Variants in ECT2L observed in about 807,000 individuals in gnomAD.
ECT2L encodes epithelial cell-transforming sequence 2 oncogene-like.
ECT2L carries 126 observed loss-of-function variants against 122.8 expected under a neutral mutation model. The ratio of observed to expected loss-of-function variants is 1.03; its 90% CI spans 0.89 to 1.19. The LOEUF is 1.19. Among genes scored for constraint, ECT2L ranks in the 50% most tolerant of loss-of-function variants. The probability of loss-of-function intolerance (pLI) is 0.00; values close to 1 mark genes in which losing one functional copy is unlikely to be tolerated. For synonymous variants in ECT2L, 385 were observed against 381.8 expected, an observed-to-expected ratio of 1.01 and a Z score of -0.10; for missense variants, 1,012 against 1,064.1, an observed-to-expected ratio of 0.95 and a Z score of 0.68.
chr6:138,900,819 C>A, intron 20 of ECT2L, 129 bp from the exon 21 acceptor site: 1 of 998,104 alleles, frequency 1.0e-6, no homozygotes, highest in Non-Finnish European at 1.4e-6. Flanking sequence ...AGAACTTCAA[C>A]CAGCCATTCA....
chr6:138,849,638 G>A (rs1351965169), intron 9 of ECT2L, among the ~76,000 whole-genome samples: 2 of 149,892 alleles, frequency 1.3e-5, no homozygotes, highest in African/African-American at 2.5e-5. Context: ...GTGTGATCAC[G>A]GCTCACTGCA....
intron 14 of ECT2L, chr6:138,879,557 C>T (rs557634011): frequency 6.6e-6 from 1 of 152,014 alleles, no homozygotes; most frequent in South Asian, 2.1e-4. Flanking sequence ...TATCTAGTAC[C>T]AGCAATAAAA....
At position 138,846,539 on chromosome 6, in the gene ECT2L, A is replaced by G. The variant is rs1282702113; in HGVS notation, c.765A>G (p.Arg255=). The G allele has an allele frequency of 6.3e-7, 1 of 1,581,330 alleles. No homozygotes were observed. Among genetic ancestry groups the G allele is most frequent in the Admixed American group, 1.9e-5 (1 of 51,766 alleles). ...TCTCATATTTCCTTTTACTCCATAGAAGCAATATTTCTGGAAGCCATTCCT... is the reference window on the plus strand; with the variant it reads ...TCTCATATTTCCTTTTACTCCATAGGAGCAATATTTCTGGAAGCCATTCCT... The part of the protein sequence containing the change: ...VLTSLETLPK[R]SNISGSHSYP... Residue 255 remains arginine (R), a splice_region_variant and synonymous_variant, in exon 8 of 22, where the codon CGA becomes CGG. Transcript: ENST00000541398.
intron 14 of ECT2L, among the ~76,000 whole-genome samples, chr6:138,879,728 G>A (rs1470940675): frequency 6.6e-6 from 1 of 152,162 alleles, no homozygotes; most frequent in Non-Finnish European, 1.5e-5. Flanking sequence ...GCTGAGGTGG[G>A]TGGATCACAA....
At chr6:138,822,913 T>C in intron 4 of ECT2L, 2 of 1,613,886 alleles carry the variant, frequency 1.2e-6, no homozygotes, top group Non-Finnish European at 1.7e-6. Flanking sequence ...GTCATTGGAC[T>C]TGCAGGCAAT....
chr6:138,811,630 G>A (rs1775899597), intron 1 of ECT2L, among the ~76,000 whole-genome samples: 1 of 152,072 alleles, frequency 6.6e-6, no homozygotes, highest in Non-Finnish European at 1.5e-5. Context: ...AAGAACCCTG[G>A]AGCCCAAAAG....
chr6:138,867,868 G>T (rs1011471018), intron 12 of ECT2L, among the ~76,000 whole-genome samples: 2 of 151,422 alleles, frequency 1.3e-5, no homozygotes, highest in African/African-American at 4.8e-5. Flanking sequence ...AATTAAGCAG[G>T]CATGGTGGTG....
At chr6:138,828,475 AT>A (rs56799598) in intron 4 of ECT2L, among the ~76,000 whole-genome samples, 2,956 of 151,996 alleles carry the variant, frequency 0.019, 91 homozygotes, top group African/African-American at 0.067. Context: ...GTCAGGTTTG[AT>A]TTTTTTCATA....
chr6:138,841,107 T>G (rs1055795759), intron 5 of ECT2L, among the ~76,000 whole-genome samples: 1 of 152,204 alleles, frequency 6.6e-6, no homozygotes, highest in Non-Finnish European at 1.5e-5. Flanking sequence ...AATATTGATT[T>G]AATTCTTTTG....
At chr6:138,844,623 T>A in intron 7 of ECT2L, 43 bp downstream of exon 7, 1 of 1,567,690 alleles carries the variant, frequency 6.4e-7, no homozygotes, top group Non-Finnish European at 8.8e-7. Context: ...ACCATCCCAA[T>A]ACCAATAATT....
At chr6:138,831,540 C>T (rs986073966) in intron 4 of ECT2L, among the ~76,000 whole-genome samples, 3 of 152,212 alleles carry the variant, frequency 2.0e-5, no homozygotes, top group Admixed American at 1.3e-4. Flanking sequence ...TCTACCTCCA[C>T]TGCCTTCTTC....
rs777273856 is a variant in ECT2L at position 138,885,803 on chromosome 6, C to A, written c.2232C>A (p.Ile744=). Residue 744 remains isoleucine, a synonymous_variant, in exon 18 of 22, where the codon ATC becomes ATA. Transcript: ENST00000541398. The part of the protein sequence containing the change: ...RGDLTTAIDQ[I]KKYKGYIDQM... ...ACTTGACCACTGCAATTGACCAAATCAAAAAATATAAAGGTTATATAGATC... is the reference window on the plus strand; with the variant it reads ...ACTTGACCACTGCAATTGACCAAATAAAAAAATATAAAGGTTATATAGATC... 6.2e-7 allele frequency: 1 copy of A among 1,612,792 alleles called. No homozygotes were observed. Among genetic ancestry groups the A allele is most frequent in the Non-Finnish European group, 8.5e-7 (1 of 1,179,588 alleles).
intron 4 of ECT2L, among the ~76,000 whole-genome samples, chr6:138,828,295 T>C (rs1349238141): frequency 6.6e-6 from 1 of 152,222 alleles, no homozygotes; most frequent in Non-Finnish European, 1.5e-5. Context: ...GGTTCATACA[T>C]TGCAATTGAT....
At chr6:138,819,750 G>A (rs1001465146) in intron 4 of ECT2L, among the ~76,000 whole-genome samples, 7 of 152,050 alleles carry the variant, frequency 4.6e-5, no homozygotes, top group Non-Finnish European at 1.0e-4. Flanking sequence ...AGCCGGGCGT[G>A]GTGGCGGGCA....
At chr6:138,840,879 T>A (rs1404749913) in intron 5 of ECT2L, among the ~76,000 whole-genome samples, 1 of 152,170 alleles carries the variant, frequency 6.6e-6, no homozygotes, top group Admixed American at 6.6e-5. Context: ...TTTCTCCTAG[T>A]ATTCCAATAC....
intron 20 of ECT2L, among the ~76,000 whole-genome samples, chr6:138,891,673 T>C (rs1779031885): frequency 6.6e-6 from 1 of 152,212 alleles, no homozygotes; most frequent in African/African-American, 2.4e-5. Flanking sequence ...TATTGATTGA[T>C]GTTTGCCTGT....
At chr6:138,873,892 G>GTGTGTGTGTGTGTATGTGTGTGTGTGTA (rs1554276986) in intron 13 of ECT2L, among the ~76,000 whole-genome samples, 2 of 134,850 alleles carry the variant, frequency 1.5e-5, no homozygotes, top group African/African-American at 5.5e-5. Context: ...GTGTGTGTGT[G>GTGTGTGTGTGTGTATGTGTGTGTGTGTA]TGTGTGTGTG....
intron 4 of ECT2L, among the ~76,000 whole-genome samples, chr6:138,826,155 A>G (rs1439629934): frequency 6.6e-6 from 1 of 151,882 alleles, no homozygotes; most frequent in Non-Finnish European, 1.5e-5. Context: ...TGATCACCCC[A>G]CTTAGAGGCC....
intron 11 of ECT2L, among the ~76,000 whole-genome samples, chr6:138,864,256 A>C (rs1185587599): frequency 6.6e-6 from 1 of 152,108 alleles, no homozygotes; most frequent in Admixed American, 6.5e-5. Context: ...CGGGAGGCGA[A>C]GGTTGCAGTG....
Sources: gnomAD v4.1 joint callset for allele counts (sites outside exome capture counted in the v4.1 genomes callset) on GRCh38, gnomAD v4.1.1 for gene constraint, MANE v1.5 for transcripts, NCBI Gene and HGNC (gene_info 2026-07-23, HGNC 2026-07-21) for gene names.